AEBP2: variants seen among roughly 807,000 people sequenced by gnomAD.
The protein encoded by AEBP2 is AE binding protein 2.
Under a neutral mutation model 50.8 loss-of-function variants are expected in AEBP2, and 10 were observed. The observed-to-expected ratio is 0.20, with a 90% CI of 0.12 to 0.33. The LOEUF (loss-of-function observed/expected upper bound fraction) is 0.33, where lower values mean the gene tolerates loss of function less well. AEBP2 is among the 10% of genes least tolerant of loss of function. The pLI, the probability that AEBP2 is intolerant of heterozygous loss-of-function variation, is 1.00. For missense variants in AEBP2, 570 were observed against 688.0 expected, an observed-to-expected ratio of 0.83 and a Z score of 1.92; for synonymous variants, 296 against 261.3, an observed-to-expected ratio of 1.13 and a Z score of -1.28.
intron 3 of AEBP2, among the ~76,000 whole-genome samples, chr12:19,479,724 T>TTTTTTG: frequency 1.2e-5 from 1 of 84,340 alleles, no homozygotes; most frequent in Non-Finnish European, 2.1e-5. Flanking sequence ...TGGGTTTTTT[T>TTTTTTG]TTTTTTTTTT....
At chr12:19,513,329 TATC>T (rs749467580) in intron 6 of AEBP2, among the ~76,000 whole-genome samples, 68 of 151,922 alleles carry the variant, frequency 4.5e-4, no homozygotes, top group Non-Finnish European at 9.1e-4. Context: ...TGTATTTTTT[TATC>T]TTTCTTATTA....
intron 1 of AEBP2, among the ~76,000 whole-genome samples, chr12:19,452,173 TA>T (rs1948175603): frequency 6.6e-6 from 1 of 152,166 alleles, no homozygotes; most frequent in Non-Finnish European, 1.5e-5. Context: ...TTTTTATTTT[TA>T]TTGGGATGGA....
intron 5 of AEBP2, among the ~76,000 whole-genome samples, chr12:19,509,726 A>G (rs1949205022): frequency 1.3e-5 from 2 of 152,056 alleles, no homozygotes; most frequent in South Asian, 4.1e-4. Context: ...CCTGGGTGAC[A>G]GAGTGAGACT....
intron 5 of AEBP2, among the ~76,000 whole-genome samples, chr12:19,501,494 A>C (rs1018503812): frequency 6.6e-6 from 1 of 151,902 alleles, no homozygotes; most frequent in Admixed American, 6.6e-5. Context: ...AAAATTAGCC[A>C]GGCATAGTGG....
chr12:19,435,568 T>C (rs538970829), upstream of AEBP2, among the ~76,000 whole-genome samples: 2 of 152,244 alleles, frequency 1.3e-5, no homozygotes, highest in East Asian at 3.9e-4. Flanking sequence ...ATGTCCTTCT[T>C]CAATCTAATA....
At chr12:19,453,430 T>TA (rs1948203049) in intron 1 of AEBP2, among the ~76,000 whole-genome samples, 1 of 151,406 alleles carries the variant, frequency 6.6e-6, no homozygotes, top group South Asian at 2.1e-4. Context: ...TATACTTTCT[T>TA]TTTTTTTGAG....
In AEBP2 at chr12:19,463,667, ATTT is replaced by A. The variant is rs34007914; in HGVS notation, c.879+972_879+974del. ...TTTTAAGCAGTGATGTCATACTTGA[ATTT>A]TTTTTTTTTTTTTTTTTTTTTGAGA... is the stretch of plus-strand genomic sequence containing the variant. On this transcript the variant is annotated intron_variant, in intron 2 of 7. Transcript: ENST00000266508. Among the ~76,000 whole-genome samples the A allele has an allele frequency of 5.6e-3, 477 of 84,666 alleles. 1 individual carries two copies. Among genetic ancestry groups the A allele is most frequent in the African/African-American group, 0.02 (405 of 20,608 alleles). 55.5% of individuals were successfully genotyped at this position (84,666 alleles called of 152,430 possible). A position where few individuals can be genotyped will look rare whatever the true frequency, so the allele number is the denominator to read the frequency against.
chr12:19,469,051 A>C (rs1948532143), intron 2 of AEBP2, among the ~76,000 whole-genome samples: 1 of 152,042 alleles, frequency 6.6e-6, no homozygotes, highest in African/African-American at 2.4e-5. Flanking sequence ...CAGCCTCCCA[A>C]GTAGCTGGGA....
intron 1 of AEBP2, chr12:19,457,258 C>T (rs1434435209): frequency 2.5e-6 from 4 of 1,592,656 alleles, no homozygotes; most frequent in Non-Finnish European, 3.4e-6. Flanking sequence ...CTTGGAGATA[C>T]CAGCTTCAAA....
At chr12:19,454,069 A>G (rs1484698088) in intron 1 of AEBP2, among the ~76,000 whole-genome samples, 1 of 151,678 alleles carries the variant, frequency 6.6e-6, no homozygotes, top group Non-Finnish European at 1.5e-5. Context: ...GTTCTTTTTT[A>G]AAAATGGAGA....
chr12:19,492,050 TA>T (rs1167720803), intron 3 of AEBP2, among the ~76,000 whole-genome samples: 1 of 152,188 alleles, frequency 6.6e-6, no homozygotes, highest in Non-Finnish European at 1.5e-5. Context: ...GTGATTTTTT[TA>T]AATGCTATTA....
At chr12:19,436,974 G>C (rs1354275621), upstream of AEBP2, among the ~76,000 whole-genome samples, 2 of 152,078 alleles carry the variant, frequency 1.3e-5, no homozygotes, top group African/African-American at 4.8e-5. Flanking sequence ...CCTCTGTCCT[G>C]CTGTCTCCTA....
chr12:19,411,993 G>T (rs1182569081), intron 1 of AEBP2, among the ~76,000 whole-genome samples: 4 of 152,250 alleles, frequency 2.6e-5, no homozygotes, highest in African/African-American at 7.2e-5. Flanking sequence ...CACGTGAAAG[G>T]CATGAATCAC....
At chr12:19,503,953 T>G (rs1949119057) in intron 5 of AEBP2, among the ~76,000 whole-genome samples, 3 of 152,034 alleles carry the variant, frequency 2.0e-5, no homozygotes, top group Admixed American at 2.0e-4. Context: ...CACCTCAGTC[T>G]TCTGAGTAGC....
chr12:19,406,112 C>A (rs7953332), intron 1 of AEBP2, among the ~76,000 whole-genome samples: 1 of 151,620 alleles, frequency 6.6e-6, no homozygotes, highest in Non-Finnish European at 1.5e-5. Flanking sequence ...ATTACAGGAG[C>A]CTGCCACCAC....
chr12:19,436,572 TTTC>T (rs1362262030), upstream of AEBP2, among the ~76,000 whole-genome samples: 15 of 135,680 alleles, frequency 1.1e-4, no homozygotes, highest in Middle Eastern at 3.9e-3. Flanking sequence ...TTTCTTTTGT[TTTC>T]TTTTCTTTTT....
Position 19,493,839 on chromosome 12 carries a change from G to A in AEBP2, c.1027G>A (p.Gly343Arg). Residue 343 changes from glycine to arginine, a missense_variant, in exon 4 of 8, where the codon GGA becomes AGA. Gly to Arg is a moderately radical substitution (Grantham distance 125). This residue lies in a region of AEBP2 where 184 missense variants were observed against 351.2 expected (regional missense o/e 0.52). Coordinates refer to ENST00000266508, the MANE Select transcript of AEBP2 (RefSeq NM_153207.5). ...GGCNASFASQ[G>R]GLARHVPTHF... ...CTGCAATGCCAGCTTTGCTTCTCAG[G>A]GAGGGCTAGCTCGTCATGTACCCAC... The A allele has an allele frequency of 6.2e-7, 1 of 1,613,582 alleles. No homozygotes were observed. Among genetic ancestry groups the A allele is most frequent in the South Asian group, 1.1e-5 (1 of 91,042 alleles).
chr12:19,471,025 T>C (rs2153371898), intron 2 of AEBP2, among the ~76,000 whole-genome samples: 1 of 148,084 alleles, frequency 6.8e-6, no homozygotes, highest in South Asian at 2.2e-4. Flanking sequence ...ACCAAACTAA[T>C]AATATGATTT....
At chr12:19,472,215 G>A (rs1466098432) in intron 2 of AEBP2, among the ~76,000 whole-genome samples, 2 of 152,068 alleles carry the variant, frequency 1.3e-5, no homozygotes, top group African/African-American at 4.8e-5. Context: ...TCAGTTCTTT[G>A]TATATCTTTC....
Sources: gnomAD v4.1 joint callset for allele counts (sites outside exome capture counted in the v4.1 genomes callset) on GRCh38, gnomAD v4.1.1 for gene constraint, gnomAD v4.1.1 regional missense constraint, MANE v1.5 for transcripts, NCBI Gene and HGNC (gene_info 2026-07-23, HGNC 2026-07-21) for gene names.